The following MYCBP2 variants were observed in gnomAD, a reference collection of about 807,000 sequenced individuals.
The protein encoded by MYCBP2 is MYC binding protein 2.
MYCBP2 carries 120 observed loss-of-function variants against 525.3 expected under a neutral mutation model. That is an observed-to-expected ratio of 0.23 (90% CI 0.20 to 0.27). The LOEUF (loss-of-function observed/expected upper bound fraction) is 0.27. Among genes scored for constraint, MYCBP2 ranks in the 10% least tolerant of loss-of-function variants. The pLI is 1.00. For missense variants in MYCBP2, 4,149 were observed against 5,657.1 expected, an observed-to-expected ratio of 0.73 and a Z score of 8.55; for synonymous variants, 1,894 against 1,955.8, an observed-to-expected ratio of 0.97 and a Z score of 0.83.
chr13:77,176,762 C>T (rs1643150250), intron 35 of MYCBP2, 134 bp from the exon 36 acceptor site: 3 of 741,672 alleles, frequency 4.0e-6, no homozygotes, highest in Non-Finnish European at 5.6e-6. Context: ...TTTTCCCATA[C>T]ATATGAAAGA....
intron 55 of MYCBP2, among the ~76,000 whole-genome samples, chr13:77,117,204 G>A (rs1282894504): frequency 6.6e-6 from 1 of 151,830 alleles, no homozygotes; most frequent in Non-Finnish European, 1.5e-5. Flanking sequence ...AAACTATTTC[G>A]CACATGTGAC....
At chr13:77,075,799 A>C (rs2042191334) in intron 68 of MYCBP2, 1 of 152,184 alleles carries the variant, frequency 6.6e-6, no homozygotes, top group African/African-American at 2.4e-5. Context: ...TTGACTTAAC[A>C]GGTAGTTACA....
Position 77,323,991 on chromosome 13 carries a change from T to A in MYCBP2, c.302+2483A>T, listed in dbSNP as rs139018163. Among the ~76,000 whole-genome samples, 97 of 152,258 alleles carry A rather than the reference T, an allele frequency of 6.4e-4. No homozygotes were observed. The East Asian group carries it at 0.016, about 26-fold the overall frequency. ...ATCAATTATCCCCTCTCTCACTTCT[T>A]CACTCTGTCTCTCCATTTAGCCTCC... is the stretch of plus-strand genomic sequence containing the variant. On this transcript the variant is annotated intron_variant, in intron 1 of 82. Transcript: ENST00000544440.
intron 1 of MYCBP2, among the ~76,000 whole-genome samples, chr13:77,310,013 G>A (rs1319114348): frequency 6.6e-6 from 1 of 152,176 alleles, no homozygotes; most frequent in East Asian, 1.9e-4. Flanking sequence ...GTAGAAGGCT[G>A]AGGCAGAAGA....
At chr13:77,243,331 G>C (rs1374437768) in intron 16 of MYCBP2, among the ~76,000 whole-genome samples, 171 bp from the exon 17 acceptor site, 1 of 152,130 alleles carries the variant, frequency 6.6e-6, no homozygotes, top group Non-Finnish European at 1.5e-5. Flanking sequence ...ATCTCATTCT[G>C]GCTAGGCATG....
At chr13:77,319,255 C>T (rs945836608) in intron 1 of MYCBP2, among the ~76,000 whole-genome samples, 10 of 152,086 alleles carry the variant, frequency 6.6e-5, no homozygotes, top group African/African-American at 1.2e-4. Context: ...GTAAGAGGGA[C>T]AGCACAGTCT....
intron 14 of MYCBP2, among the ~76,000 whole-genome samples, chr13:77,257,153 T>C (rs2072379883): frequency 6.6e-6 from 1 of 152,126 alleles, no homozygotes; most frequent in Admixed American, 6.6e-5. Context: ...ACTTCACATG[T>C]TGTCACTCAT....
intron 5 of MYCBP2, among the ~76,000 whole-genome samples, chr13:77,271,883 A>G (rs959490042): frequency 2.0e-5 from 3 of 152,210 alleles, no homozygotes; most frequent in African/African-American, 7.2e-5. Flanking sequence ...CAGTCAGGCC[A>G]GGAGAGTTTT....
chr13:77,157,346 T>A (rs1485972621), intron 45 of MYCBP2, among the ~76,000 whole-genome samples: 1 of 152,174 alleles, frequency 6.6e-6, no homozygotes, highest in Admixed American at 6.5e-5. Flanking sequence ...CACCTCAGCC[T>A]CCAAGTAGCT....
At chr13:77,151,573 A>G (rs2056455610) in intron 46 of MYCBP2, among the ~76,000 whole-genome samples, 1 of 152,236 alleles carries the variant, frequency 6.6e-6, no homozygotes, top group Non-Finnish European at 1.5e-5. Flanking sequence ...TTAAGAATAA[A>G]ATGGGACTAT....
intron 7 of MYCBP2, among the ~76,000 whole-genome samples, chr13:77,268,178 T>C (rs1043932392): frequency 6.6e-6 from 1 of 152,154 alleles, no homozygotes; most frequent in African/African-American, 2.4e-5. Context: ...AACAGGACAG[T>C]ACAGTTACAA....
intron 17 of MYCBP2, 132 bp from the exon 18 acceptor site, chr13:77,233,395 A>G (rs1021525211): frequency 4.3e-6 from 3 of 689,690 alleles, no homozygotes; most frequent in Non-Finnish European, 7.1e-6. Context: ...CTTTTCTTCC[A>G]ATTTCCCCAC....
rs1019087590 is a variant in MYCBP2 at position 77,327,056 on chromosome 13, C to T, written c.-281G>A. On this transcript the variant is annotated 5_prime_UTR_variant, in exon 1 of 83. Transcript: ENST00000544440. Reference sequence around the variant, plus strand: ...CCACTGCCGCCGCCACCACCGCTACCACCGCCACCACCGCCGGGGCTACCC... The same window carrying T: ...CCACTGCCGCCGCCACCACCGCTACTACCGCCACCACCGCCGGGGCTACCC... The T allele has an allele frequency of 6.9e-6, 3 of 437,942 alleles. No individual in the cohort carries two copies. The highest frequency in any genetic ancestry group is 4.4e-5 in the Admixed American group (1 of 22,868). 27.1% of individuals were successfully genotyped at this position (437,942 alleles called of 1,614,324 possible). A position where few individuals can be genotyped will look rare whatever the true frequency, so the allele number is the denominator to read the frequency against.
At chr13:77,195,087 C>T (rs923130953) in intron 26 of MYCBP2, among the ~76,000 whole-genome samples, 8 of 151,606 alleles carry the variant, frequency 5.3e-5, no homozygotes, top group Non-Finnish European at 8.8e-5. Flanking sequence ...GCAAGAGAGG[C>T]AGATAAAGAT....
chr13:77,150,576 A>G (rs1225716000), intron 47 of MYCBP2, among the ~76,000 whole-genome samples, 158 bp downstream of exon 47: 1 of 152,240 alleles, frequency 6.6e-6, no homozygotes, highest in African/African-American at 2.4e-5. Flanking sequence ...CTCTCTGAAG[A>G]CAGGATAACA....
chr13:77,134,544 C>T (rs866821089), intron 52 of MYCBP2, among the ~76,000 whole-genome samples: 1 of 148,120 alleles, frequency 6.8e-6, no homozygotes, highest in Non-Finnish European at 1.5e-5. Context: ...AACAAACAAA[C>T]AAACAAAAAA....
chr13:77,180,115 A>G lies in MYCBP2; in HGVS notation c.5133+12T>C. On this transcript the variant is annotated intron_variant, in intron 34 of 82. Coordinates refer to ENST00000544440, the MANE Select transcript of MYCBP2 (RefSeq NM_015057.5). ...TGTGCTTTTTATCCAGTGTCAAAATATAATGTATTACCTCAGATCCCAGGG... is the reference window on the plus strand; with the variant it reads ...TGTGCTTTTTATCCAGTGTCAAAATGTAATGTATTACCTCAGATCCCAGGG... 2 of 1,594,764 alleles carry G rather than the reference A, an allele frequency of 1.3e-6. No individual in the cohort carries two copies. The highest frequency in any genetic ancestry group is 1.7e-6 in the Non-Finnish European group (2 of 1,169,346).
intron 50 of MYCBP2, 130 bp from the exon 51 acceptor site, chr13:77,140,293 A>G (rs1214232477): frequency 1.6e-5 from 9 of 560,420 alleles, no homozygotes; most frequent in Non-Finnish European, 2.5e-5. Context: ...TTATTTGTAG[A>G]GAGGCTCCCT....
chr13:77,134,797 A>G (rs935027889), intron 52 of MYCBP2, among the ~76,000 whole-genome samples: 1 of 152,190 alleles, frequency 6.6e-6, no homozygotes. Flanking sequence ...AGTCACTTTG[A>G]ACTAAATTAG....
Sources: gnomAD v4.1 joint callset for allele counts (sites outside exome capture counted in the v4.1 genomes callset) on GRCh38, gnomAD v4.1.1 for gene constraint, MANE v1.5 for transcripts, NCBI Gene and HGNC (gene_info 2026-07-23, HGNC 2026-07-21) for gene names.